NAV3: variants seen among roughly 807,000 people sequenced by gnomAD.
NAV3 encodes neuron navigator 3.
NAV3 carries 87 observed loss-of-function variants against 244.7 expected under a neutral mutation model. The observed-to-expected ratio is 0.36, with a 90% confidence interval of 0.30 to 0.42. The LOEUF (loss-of-function observed/expected upper bound fraction) is 0.42, where lower values mean the gene tolerates loss of function less well. Ranked by LOEUF, NAV3 falls within the 20% of genes least tolerant of loss-of-function variation. The pLI, the probability that NAV3 is intolerant of heterozygous loss-of-function variation, is 1.00. For missense variants in NAV3, 2,663 were observed against 2,893.3 expected (o/e 0.92, Z 1.83); for synonymous variants, 1,126 against 1,042.2 (o/e 1.08, Z -1.55).
At chr12:77,936,088 AG>A (rs771610902) in intron 1 of NAV3, among the ~76,000 whole-genome samples, 1 of 152,206 alleles carries the variant, frequency 6.6e-6, no homozygotes, top group African/African-American at 2.4e-5. Context: ...TTTAGAGAAA[AG>A]AAATGTTCAA....
chr12:77,889,308 C>T (rs1883665774), intron 1 of NAV3, among the ~76,000 whole-genome samples: 1 of 152,168 alleles, frequency 6.6e-6, no homozygotes, highest in Non-Finnish European at 1.5e-5. Flanking sequence ...AGTCTTCTGT[C>T]CTGGGACTGC....
At position 78,198,674 on chromosome 12, in the gene NAV3, C is replaced by T. The variant is rs1565793556; in HGVS notation, c.6516C>T (p.Phe2172=). 5.7e-6 allele frequency: 9 copies of T among 1,567,184 alleles called. No homozygotes were observed. Among genetic ancestry groups the T allele is most frequent in the African/African-American group, 1.4e-5 (1 of 69,270 alleles). The part of the protein sequence containing the change: ...SSPNLELHHN[F]RWVLCANHTE... ...CAAATCTAGAGCTGCATCACAATTT[C>T]AGGTAAAGTTAAGTTGAAGGTTTTT... The change falls in exon 36 of 40, where the codon TTC becomes TTT. Residue 2172 remains phenylalanine (F), a splice_region_variant and synonymous_variant. Transcript: ENST00000397909.
In NAV3 at chr12:78,067,426, C is replaced by T. The variant is rs534650210; in HGVS notation, c.2636+8311C>T. 5.3e-5 allele frequency among the ~76,000 whole-genome samples: 8 copies of T among 152,086 alleles called. No individual in the cohort carries two copies. The South Asian group carries it at 1.5e-3, about 28-fold the overall frequency. ...GACGTGGAAAAACTGTTATTGATGC[C>T]CTCTCAAATTCCCTTTGCCATTCTG... On this transcript the variant is annotated intron_variant, in intron 12 of 39. Coordinates refer to ENST00000397909, the MANE Select transcript of NAV3 (RefSeq NM_001024383.2).
At position 77,802,749 on chromosome 12, in the gene NAV3, G is replaced by A. The variant is rs571206270; in HGVS notation, c.73-137570G>A. Among the ~76,000 whole-genome samples, 171 of 151,872 alleles carry A rather than the reference G, an allele frequency of 1.1e-3. 1 individual carries two copies. Among genetic ancestry groups the A allele is most frequent in the African/African-American group, 4.0e-3 (165 of 41,394 alleles). Reference sequence around the variant, plus strand: ...TTGATCTCGGCTCACTGCAAGCCCCGCCTCCTGGGTTCACACCATTCTCCT... The same window carrying A: ...TTGATCTCGGCTCACTGCAAGCCCCACCTCCTGGGTTCACACCATTCTCCT... On this transcript the variant is annotated intron_variant, in intron 2 of 8. Transcript: ENST00000550042.
chr12:78,125,700 G>T (rs1481675588), intron 16 of NAV3, among the ~76,000 whole-genome samples: 1 of 152,162 alleles, frequency 6.6e-6, no homozygotes, highest in Non-Finnish European at 1.5e-5. Context: ...ATATGAGTTT[G>T]CAACCTTTGG....
chr12:77,821,525 G>C (rs1188127691), intron 2 of NAV3, among the ~76,000 whole-genome samples: 1 of 152,136 alleles, frequency 6.6e-6, no homozygotes, highest in African/African-American at 2.4e-5. Context: ...AAAATGTGCA[G>C]TATTCCAAGT....
At chr12:77,807,667 T>A (rs1872053907) in intron 2 of NAV3, among the ~76,000 whole-genome samples, 1 of 152,224 alleles carries the variant, frequency 6.6e-6, no homozygotes, top group Non-Finnish European at 1.5e-5. Context: ...GGTGTTGCTC[T>A]TCTTCAGGAG....
intron 2 of NAV3, among the ~76,000 whole-genome samples, chr12:77,627,313 C>T (rs189051611): frequency 6.6e-6 from 1 of 152,064 alleles, no homozygotes; most frequent in East Asian, 1.9e-4. Context: ...GAAATAGTGA[C>T]TAAAAATCAA....
intron 12 of NAV3, among the ~76,000 whole-genome samples, chr12:78,085,089 A>G (rs754053835): frequency 3.3e-4 from 50 of 152,320 alleles, no homozygotes; most frequent in Middle Eastern, 6.8e-3. Context: ...TATAGAAGAT[A>G]TATTTTAAAT....
chr12:78,022,216 T>C (rs1877271408), intron 9 of NAV3, among the ~76,000 whole-genome samples: 1 of 152,156 alleles, frequency 6.6e-6, no homozygotes, highest in African/African-American at 2.4e-5. Context: ...TGTCATCAAT[T>C]CTGTATGATT....
intron 2 of NAV3, among the ~76,000 whole-genome samples, chr12:77,576,913 A>T (rs1869113114): frequency 6.6e-6 from 1 of 151,970 alleles, no homozygotes. Flanking sequence ...AGCATGAGGG[A>T]TGATGAGGTT....
At chr12:78,207,004 A>G (rs1960402210) in intron 39 of NAV3, among the ~76,000 whole-genome samples, 1 of 151,716 alleles carries the variant, frequency 6.6e-6, no homozygotes, top group East Asian at 1.9e-4. Context: ...GATTACAGTC[A>G]TGCACCACCA....
At chr12:77,659,507 T>C (rs1873320643) in intron 2 of NAV3, among the ~76,000 whole-genome samples, 1 of 152,164 alleles carries the variant, frequency 6.6e-6, no homozygotes, top group Admixed American at 6.5e-5. Context: ...TTTACACTGT[T>C]GTTGGGACTG....
At chr12:77,850,016 C>A (rs1592776149) in intron 1 of NAV3, among the ~76,000 whole-genome samples, 1 of 152,142 alleles carries the variant, frequency 6.6e-6, no homozygotes, top group African/African-American at 2.4e-5. Context: ...AAATTCTACG[C>A]CCGTGTCCTA....
chr12:78,176,126 C>T (rs1388831853), intron 25 of NAV3, among the ~76,000 whole-genome samples: 3 of 151,640 alleles, frequency 2.0e-5, no homozygotes, highest in African/African-American at 7.3e-5. Context: ...CTTAAGTTTG[C>T]TAGTGATATA....
intron 2 of NAV3, among the ~76,000 whole-genome samples, chr12:77,727,639 TG>T: frequency 6.6e-6 from 1 of 152,014 alleles, no homozygotes; most frequent in Non-Finnish European, 1.5e-5. Context: ...AGTTTAGAAG[TG>T]TGATATGACA....
intron 12 of NAV3, among the ~76,000 whole-genome samples, chr12:78,078,093 C>T (rs910465353): frequency 1.8e-4 from 28 of 152,076 alleles, no homozygotes; most frequent in Admixed American, 7.9e-4. Flanking sequence ...CATTGTCTTC[C>T]CTGTGTGTGT....
chr12:77,955,459 T>C (rs1593106561), intron 3 of NAV3, among the ~76,000 whole-genome samples: 1 of 152,198 alleles, frequency 6.6e-6, no homozygotes, highest in Non-Finnish European at 1.5e-5. Context: ...AACACTTTTA[T>C]AATAAATTGG....
intron 2 of NAV3, among the ~76,000 whole-genome samples, chr12:77,573,990 C>T (rs932490832): frequency 2.0e-5 from 3 of 152,122 alleles, no homozygotes; most frequent in Admixed American, 2.0e-4. Context: ...TAGGCCAACT[C>T]ACACAAAACT....
Sources: allele counts gnomAD v4.1 joint callset (sites outside exome capture counted in the v4.1 genomes callset), GRCh38; gene constraint gnomAD v4.1.1; transcripts MANE v1.5; gene names NCBI Gene and HGNC (gene_info 2026-07-23, HGNC 2026-07-21).